Variants in NUP98 observed in about 807,000 individuals in gnomAD.
The protein encoded by NUP98 is nuclear pore complex protein Nup98-Nup96.
A neutral mutation model predicts 191.9 loss-of-function variants in NUP98; 26 were observed. The ratio of observed to expected loss-of-function variants is 0.14; its 90% CI spans 0.10 to 0.19. The LOEUF (loss-of-function observed/expected upper bound fraction) is 0.19. NUP98 is among the 10% of genes least tolerant of loss of function. NUP98 has a pLI of 1.00. For synonymous variants in NUP98, 808 were observed against 778.4 expected, an observed-to-expected ratio of 1.04 and a Z score of -0.63; for missense variants, 1,941 against 2,178.8, an observed-to-expected ratio of 0.89 and a Z score of 2.17.
At position 3,725,077 on chromosome 11, in the gene NUP98, AG is replaced by A. The variant is rs748461888; in HGVS notation, c.1847+25del. ...ATGAGACTATAACTCTCTACTAAGA[AG>A]AACTCAAAACAGAATTCAGTGTACC... is the stretch of plus-strand genomic sequence containing the variant. On this transcript the variant is annotated intron_variant, in intron 15 of 32. Coordinates refer to ENST00000324932, the MANE Select transcript of NUP98 (RefSeq NM_016320.5). 3.9e-5 allele frequency: 40 copies of A among 1,018,468 alleles called. No homozygotes were observed. In the African/African-American group the frequency reaches 5.8e-4, roughly 15 times the overall value. The allele number at this position is 1,018,468 out of a possible 1,614,324, so 63.1% of individuals were successfully genotyped here. A position where few individuals can be genotyped will look rare whatever the true frequency, so the allele number is the denominator to read the frequency against.
intron 2 of NUP98, among the ~76,000 whole-genome samples, chr11:3,780,046 G>A (rs1387970921): frequency 6.6e-6 from 1 of 152,046 alleles, no homozygotes; most frequent in Admixed American, 6.6e-5. Flanking sequence ...AGAACAACCT[G>A]GGAAGCTTTT....
rs1316431996 is a variant in NUP98 at position 3,679,727 on chromosome 11, G to A, written c.4919-19C>T. The A allele has an allele frequency of 6.2e-7, 1 of 1,610,748 alleles. No individual in the cohort carries two copies. The highest frequency in any genetic ancestry group is 8.5e-7 in the Non-Finnish European group (1 of 1,178,420). ...ATGGCATCTGAAGAAACAAAGTATTGAGCACAATGTCTGCACAAGTGCATA... is the reference window on the plus strand; with the variant it reads ...ATGGCATCTGAAGAAACAAAGTATTAAGCACAATGTCTGCACAAGTGCATA... On this transcript the variant is annotated intron_variant, in intron 30 of 32. Transcript: ENST00000324932.
chr11:3,754,097 A>T (rs2080869830), intron 10 of NUP98, among the ~76,000 whole-genome samples: 1 of 152,216 alleles, frequency 6.6e-6, no homozygotes, highest in East Asian at 1.9e-4. Flanking sequence ...AAGTTTATTT[A>T]GAAGAGAAAT....
At chr11:3,724,146 T>C (rs2079519445) in intron 15 of NUP98, among the ~76,000 whole-genome samples, 1 of 151,978 alleles carries the variant, frequency 6.6e-6, no homozygotes, top group Non-Finnish European at 1.5e-5. Context: ...AAGAAAGAAA[T>C]TTCGGCTGGG....
chr11:3,715,677 T>C (rs191395322), intron 18 of NUP98, among the ~76,000 whole-genome samples: 252 of 152,164 alleles, frequency 1.7e-3, no homozygotes, highest in Admixed American at 2.4e-3. Flanking sequence ...TAACCTCTGT[T>C]CGAGACCAAC....
chr11:3,764,342 T>C (rs1385075169), intron 8 of NUP98, among the ~76,000 whole-genome samples: 1 of 152,238 alleles, frequency 6.6e-6, no homozygotes, highest in Non-Finnish European at 1.5e-5. Flanking sequence ...TGGTTACCCA[T>C]TCATTGTTAA....
chr11:3,785,463 A>T (rs2082112416), intron 1 of NUP98, among the ~76,000 whole-genome samples: 1 of 152,174 alleles, frequency 6.6e-6, no homozygotes, highest in African/African-American at 2.4e-5. Context: ...TACTTCCTCT[A>T]TTAACAATAA....
rs2077792374 is a variant in NUP98 at position 3,675,894 on chromosome 11, T to C, written c.*265A>G. On this transcript the variant is annotated 3_prime_UTR_variant, in exon 33 of 33. Coordinates refer to ENST00000324932, the MANE Select transcript of NUP98 (RefSeq NM_016320.5). The stretch of plus-strand genomic sequence containing the variant: ...TTTGGGGGATTCTGCCAAAGGAGCT[T>C]TATTGACCATTTTTTTAAAGGAAAA... 4.0e-6 allele frequency: 2 copies of C among 493,930 alleles called. No homozygotes were observed. Among genetic ancestry groups the C allele is most frequent in the African/African-American group, 3.8e-5 (2 of 52,300 alleles). 30.6% of individuals were successfully genotyped at this position (493,930 alleles called of 1,614,324 possible). A position where few individuals can be genotyped will look rare whatever the true frequency, so the allele number is the denominator to read the frequency against.
At chr11:3,749,294 G>T (rs1211576823) in intron 11 of NUP98, among the ~76,000 whole-genome samples, 1 of 147,398 alleles carries the variant, frequency 6.8e-6, no homozygotes, top group African/African-American at 2.5e-5. Flanking sequence ...CGGCCTGGGC[G>T]ACAGAGCGAG....
At chr11:3,792,428 T>C (rs890705260) in intron 1 of NUP98, among the ~76,000 whole-genome samples, 1 of 151,926 alleles carries the variant, frequency 6.6e-6, no homozygotes, top group African/African-American at 2.4e-5. Flanking sequence ...ATGGTCAACA[T>C]GTTGAAACCC....
chr11:3,779,151 C>T lies in NUP98; in HGVS notation c.178+5G>A, dbSNP rs372282709. On this transcript the variant is annotated splice_donor_5th_base_variant and intron_variant, in intron 3 of 32. Transcript: ENST00000324932. ...AACCAGTTATATCACAAATAAAGCC[C>T]CTACCTGGTTTAGTCTGTGAATTTC... 92 of 1,613,488 alleles carry T rather than the reference C, an allele frequency of 5.7e-5. No individual in the cohort carries two copies. Among genetic ancestry groups the T allele is most frequent in the Non-Finnish European group, 7.5e-5 (89 of 1,179,608 alleles).
chr11:3,705,347 C>T lies in NUP98; in HGVS notation c.2935G>A (p.Ala979Thr). ...TCTTCTTCATCAGTAAGCAATGATGCTTTCATGATCTAAAAAGGCAATATC... is the reference window on the plus strand; with the variant it reads ...TCTTCTTCATCAGTAAGCAATGATGTTTTCATGATCTAAAAAGGCAATATC... ...INPHVLQIMKASLLTDEEDVD... is the reference protein window; with the variant it reads ...INPHVLQIMKTSLLTDEEDVD... Residue 979 changes from alanine to threonine, a missense_variant, in exon 22 of 33, where the codon GCA becomes ACA. By Grantham distance (58) the Ala-to-Thr change is moderately conservative (BLOSUM62 0). Coordinates refer to ENST00000324932, the MANE Select transcript of NUP98 (RefSeq NM_016320.5). 1.2e-6 allele frequency: 2 copies of T among 1,613,866 alleles called. No homozygotes were observed. Among genetic ancestry groups the T allele is most frequent in the South Asian group, 2.2e-5 (2 of 91,070 alleles).
chr11:3,692,903 ATAT>A (rs1161992717), intron 27 of NUP98, among the ~76,000 whole-genome samples: 1 of 152,208 alleles, frequency 6.6e-6, no homozygotes. Context: ...GGAATATAAA[ATAT>A]TATATTTAGA....
chr11:3,709,592 T>TAGTAG (rs1843139285), intron 20 of NUP98, among the ~76,000 whole-genome samples: 1 of 151,182 alleles, frequency 6.6e-6, no homozygotes, highest in South Asian at 2.1e-4. Flanking sequence ...GCAGTCCCAG[T>TAGTAG]TACTTGGGAG....
intron 28 of NUP98, among the ~76,000 whole-genome samples, chr11:3,688,266 C>T (rs979945606): frequency 2.3e-4 from 35 of 151,998 alleles, no homozygotes; most frequent in African/African-American, 7.7e-4. Flanking sequence ...ATTAGCCGGG[C>T]GTGGTGGTGG....
chr11:3,704,518 G>GACAATAA (rs1440863712), intron 22 of NUP98, among the ~76,000 whole-genome samples: 1 of 152,222 alleles, frequency 6.6e-6, no homozygotes, highest in Non-Finnish European at 1.5e-5. Flanking sequence ...AGTGCTGTAA[G>GACAATAA]GACTGCACAA....
intron 1 of NUP98, among the ~76,000 whole-genome samples, chr11:3,790,842 C>T (rs1038624600): frequency 6.6e-6 from 1 of 152,024 alleles, no homozygotes; most frequent in Non-Finnish European, 1.5e-5. Context: ...GGCAAACCAC[C>T]TGTAATTACT....
At chr11:3,792,620 GAAAC>G (rs1049343151) in intron 1 of NUP98, among the ~76,000 whole-genome samples, 7 of 151,642 alleles carry the variant, frequency 4.6e-5, no homozygotes, top group African/African-American at 7.3e-5. Flanking sequence ...CAAAAACAAA[GAAAC>G]AAACAAACAA....
At chr11:3,735,748 AGTGTGTGTGTGTGTGTGTGTGTGT>A (rs71041385) in intron 12 of NUP98, among the ~76,000 whole-genome samples, 6 of 140,874 alleles carry the variant, frequency 4.3e-5, no homozygotes, top group African/African-American at 1.1e-4. Flanking sequence ...CAGGGCAAGT[AGTGTGTGTGTGTGTGTGTGTGTGT>A]GTGTGTGTGT....
Sources: gnomAD v4.1 joint callset for allele counts (sites outside exome capture counted in the v4.1 genomes callset) on GRCh38, gnomAD v4.1.1 for gene constraint, MANE v1.5 for transcripts, NCBI Gene and HGNC (gene_info 2026-07-23, HGNC 2026-07-21) for gene names.